The following NPC1 variants were observed in gnomAD, a reference collection of about 807,000 sequenced individuals.
NPC1 encodes Niemann-Pick C1 protein.
NPC1 carries 85 observed loss-of-function variants against 140.4 expected under a neutral mutation model. The ratio of observed to expected loss-of-function variants is 0.61; its 90% confidence interval spans 0.51 to 0.72. NPC1 has a LOEUF of 0.72. NPC1 is among the 30% of genes least tolerant of loss of function. The pLI is 0.00. For synonymous variants in NPC1, 656 were observed against 624.8 expected, an observed-to-expected ratio of 1.05 and a Z score of -0.74; for missense variants, 1,504 against 1,623.8, an observed-to-expected ratio of 0.93 and a Z score of 1.27.
downstream of NPC1, among the ~76,000 whole-genome samples, chr18:23,517,452 G>A (rs756607747): frequency 5.3e-5 from 8 of 151,998 alleles, no homozygotes; most frequent in Admixed American, 1.3e-4. Context: ...CTGGCAGTAC[G>A]GAGGTATATT....
chr18:23,539,538 C>G, intron 18 of NPC1, 68 bp from the exon 19 acceptor site: 1 of 1,122,686 alleles, frequency 8.9e-7, no homozygotes. Flanking sequence ...AGTACTTTTT[C>G]TTAAAACCTA....
chr18:23,550,715 T>C (rs112299593), intron 10 of NPC1, among the ~76,000 whole-genome samples: 43 of 152,134 alleles, frequency 2.8e-4, no homozygotes, highest in African/African-American at 1.0e-3. Flanking sequence ...CTCGATCTCC[T>C]GACCTTGTGA....
rs551332521 is a variant in NPC1 at position 23,533,207 on chromosome 18, T to C, written c.3754+148A>G. On this transcript the variant is annotated intron_variant, in intron 24 of 24. Transcript: ENST00000269228. ...AATCCCCTGGATGGGTTTTTTCTTT[T>C]AGAAGAAATTTTTTTACTCAGTATC... The C allele has an allele frequency of 1.6e-5, 15 of 934,026 alleles. No individual in the cohort carries two copies. The African/African-American group carries it at 2.3e-4, about 15-fold the overall frequency. The allele number at this position is 934,026 out of a possible 1,614,324, so 57.9% of individuals were successfully genotyped here.
Position 23,556,409 on chromosome 18 carries a change from T to C in NPC1, c.1160A>G (p.Gln387Arg). ...PVDLWSAPSSQARLEKEYFDQ... is the reference protein window; with the variant it reads ...PVDLWSAPSSRARLEKEYFDQ... The stretch of plus-strand genomic sequence containing the variant: ...AAAGTACTCTTTTTCCAGGCGAGCC[T>C]GGCTGCTGGGGGCTGACCAGAGGTC... Residue 387 changes from glutamine to arginine, a missense_variant, in exon 8 of 25, where the codon CAG (glutamine) becomes CGG (arginine). Physicochemically the swap from Gln to Arg is conservative, Grantham distance 43. Transcript: ENST00000269228. 1 of 1,614,138 alleles carries C rather than the reference T, an allele frequency of 6.2e-7. No homozygotes were observed. Among genetic ancestry groups the C allele is most frequent in the South Asian group, 1.1e-5 (1 of 91,080 alleles).
chr18:23,564,019 C>G (rs1031933722), intron 4 of NPC1, among the ~76,000 whole-genome samples: 8 of 113,606 alleles, frequency 7.0e-5, no homozygotes, highest in Non-Finnish European at 1.3e-4. Flanking sequence ...GATGGAGTCT[C>G]TGTCCCTCAG....
chr18:23,524,982 C>T (rs1268840884), downstream of NPC1, among the ~76,000 whole-genome samples: 13 of 112,696 alleles, frequency 1.2e-4, no homozygotes, highest in South Asian at 1.2e-3. Context: ...GAGTTTTGCT[C>T]GTTGCCCAGG....
chr18:23,535,765 T>C, intron 21 of NPC1, 65 bp from the exon 22 acceptor site: 1 of 1,043,060 alleles, frequency 9.6e-7, no homozygotes, highest in Non-Finnish European at 1.5e-6. Flanking sequence ...GTGTTCATCC[T>C]GTCACCACTG....
At chr18:23,564,941 T>C (rs1036452463) in intron 4 of NPC1, among the ~76,000 whole-genome samples, 5 of 152,232 alleles carry the variant, frequency 3.3e-5, no homozygotes, top group African/African-American at 7.2e-5. Flanking sequence ...AGTATTCTTT[T>C]CTCATTGAAT....
At chr18:23,539,698 AAAC>A in intron 18 of NPC1, 110 bp downstream of exon 18, 1 of 1,269,304 alleles carries the variant, frequency 7.9e-7, no homozygotes, top group Non-Finnish European at 1.1e-6. Flanking sequence ...TTTTGCATAA[AAAC>A]AACTTTTCCA....
At chr18:23,527,966 A>AT, downstream of NPC1, 1 of 1,302,806 alleles carries the variant, frequency 7.7e-7, no homozygotes, top group East Asian at 2.4e-5. Context: ...TTTTCTAAGT[A>AT]ATTATGATGC....
At chr18:23,534,038 G>A (rs985789596) in intron 23 of NPC1, 3 of 337,290 alleles carry the variant, frequency 8.9e-6, no homozygotes, top group Non-Finnish European at 1.7e-5. Context: ...CAAAGTTTTA[G>A]TTTTTACTCT....
intron 23 of NPC1, 153 bp from the exon 24 acceptor site, chr18:23,533,670 G>A (rs2145337478): frequency 4.1e-6 from 3 of 730,428 alleles, no homozygotes; most frequent in East Asian, 2.7e-5. Flanking sequence ...CACCATGCCT[G>A]GCTAATTTTT....
chr18:23,565,801 A>G (rs1368872935), intron 4 of NPC1, among the ~76,000 whole-genome samples: 1 of 152,174 alleles, frequency 6.6e-6, no homozygotes, highest in Non-Finnish European at 1.5e-5. Context: ...ATTTTCTCTA[A>G]GTTCTCAGGG....
downstream of NPC1, chr18:23,530,301 ACT>A (rs769498488): frequency 9.3e-6 from 15 of 1,614,140 alleles, no homozygotes; most frequent in Non-Finnish European, 1.2e-5. Context: ...GCTGAAGGTA[ACT>A]CTGATGTGTG....
chr18:23,512,059 C>T (rs182998243), intron 3 of NPC1, among the ~76,000 whole-genome samples: 7 of 147,460 alleles, frequency 4.7e-5, no homozygotes, highest in South Asian at 2.2e-4. Flanking sequence ...CTCACTCCGT[C>T]GCCCAGGCTG....
At chr18:23,527,590 T>C (rs2058341772), downstream of NPC1, among the ~76,000 whole-genome samples, 1 of 16,180 alleles carries the variant, frequency 6.2e-5, no homozygotes, top group Non-Finnish European at 1.1e-4. Context: ...CTGCTATAGC[T>C]TTTTTTTTTT....
intron 21 of NPC1, among the ~76,000 whole-genome samples, chr18:23,536,266 A>C (rs1036997249): frequency 6.6e-6 from 1 of 152,100 alleles, no homozygotes; most frequent in Non-Finnish European, 1.5e-5. Flanking sequence ...GGGAAAAAAA[A>C]CCCCTAACAA....
chr18:23,511,975 T>C (rs1388362630), intron 3 of NPC1, among the ~76,000 whole-genome samples: 2 of 152,014 alleles, frequency 1.3e-5, no homozygotes, highest in Non-Finnish European at 2.9e-5. Flanking sequence ...GACTGGATAT[T>C]ATCAGTCTAT....
intron 19 of NPC1, chr18:23,538,944 G>C: frequency 2.0e-6 from 1 of 492,332 alleles, no homozygotes; most frequent in Non-Finnish European, 3.7e-6. Flanking sequence ...GCCTTGACTG[G>C]TCAGAGCCCG....
Sources: gnomAD v4.1 joint callset for allele counts (sites outside exome capture counted in the v4.1 genomes callset) on GRCh38, gnomAD v4.1.1 for gene constraint, MANE v1.5 for transcripts, NCBI Gene and HGNC (gene_info 2026-07-23, HGNC 2026-07-21) for gene names.